Variants in PTPN20 observed in about 807,000 individuals in gnomAD.
The protein encoded by PTPN20 is protein tyrosine phosphatase non-receptor type 20, also known as tyrosine-protein phosphatase non-receptor type 20.
Under a neutral mutation model 35.0 loss-of-function variants are expected in PTPN20, and 9 were observed. The ratio of observed to expected loss-of-function variants is 0.26; its 90% CI spans 0.15 to 0.45. The LOEUF (loss-of-function observed/expected upper bound fraction) is 0.45, where lower values mean the gene tolerates loss of function less well. Ranked by LOEUF, PTPN20 falls within the 20% of genes least tolerant of loss-of-function variation. The pLI is 1.00. For synonymous variants in PTPN20, 32 were observed against 100.2 expected, an observed-to-expected ratio of 0.32 and a Z score of 4.06; for missense variants, 111 against 312.5, an observed-to-expected ratio of 0.36 and a Z score of 4.86.
chr10:46,997,943 T>C (rs1555182637), intron 9 of PTPN20, among the ~76,000 whole-genome samples: 2 of 152,076 alleles, frequency 1.3e-5, no homozygotes, highest in Non-Finnish European at 2.9e-5. Context: ...TGGTGAGGAT[T>C]TGGAGAATTA....
At chr10:46,943,025 CAT>C (rs1426413287) in intron 3 of PTPN20, among the ~76,000 whole-genome samples, 6 of 151,740 alleles carry the variant, frequency 4.0e-5, no homozygotes, top group South Asian at 2.1e-4. Flanking sequence ...GATGTAAAAA[CAT>C]GTGGTTTGTG....
At chr10:46,946,881 C>A (rs1200538296) in intron 5 of PTPN20, 6 of 509,564 alleles carry the variant, frequency 1.2e-5, no homozygotes, top group African/African-American at 1.0e-4. Context: ...AATTCCTGTC[C>A]TTTCTTCAAG....
At position 47,001,708 on chromosome 10, in the gene PTPN20, C is replaced by A. The variant is rs1218830253; in HGVS notation, c.*967C>A. On this transcript the variant is annotated 3_prime_UTR_variant, in exon 11 of 11. Coordinates refer to ENST00000374339, the MANE Select transcript of PTPN20 (RefSeq NM_001042357.5). ...TCATTTATTTCCTTTACTTTCTCAC[C>A]TCTGTTGAAACATTTAGAAACTGGA... 6.6e-6 allele frequency: 1 copy of A among 151,700 alleles called. No homozygotes were observed. The highest frequency in any genetic ancestry group is 1.5e-5 in the Non-Finnish European group (1 of 67,902). The allele number at this position is 151,700 out of a possible 1,614,324, so 9.4% of individuals were successfully genotyped here. A position where few individuals can be genotyped will look rare whatever the true frequency, so the allele number is the denominator to read the frequency against.
chr10:46,930,273 C>CATTCACATGTGT (rs2039122136), intron 1 of PTPN20, among the ~76,000 whole-genome samples: 1 of 116,680 alleles, frequency 8.6e-6, no homozygotes, highest in East Asian at 2.5e-4. Flanking sequence ...GGTAAAGGAC[C>CATTCACATGTGT]ATTCACATAT....
chr10:47,000,635 A>G (rs983971917), intron 10 of PTPN20, 41 bp from the exon 11 acceptor site: 2 of 1,606,938 alleles, frequency 1.2e-6, no homozygotes, highest in African/African-American at 2.7e-5. Flanking sequence ...CTGTTATTCA[A>G]TTACTTAACA....
chr10:46,976,037 G>A (rs1296618714), intron 7 of PTPN20, among the ~76,000 whole-genome samples: 1 of 148,498 alleles, frequency 6.7e-6, no homozygotes, highest in Non-Finnish European at 1.5e-5. Context: ...TCAAACTCCT[G>A]AGCTCAAGCA....
At chr10:46,999,208 TACAGTTG>T (rs2059677401) in intron 9 of PTPN20, among the ~76,000 whole-genome samples, 1 of 152,222 alleles carries the variant, frequency 6.6e-6, no homozygotes, top group African/African-American at 2.4e-5. Context: ...GCTTTGGGGT[TACAGTTG>T]ACAACATTTA....
intron 7 of PTPN20, among the ~76,000 whole-genome samples, chr10:46,980,986 G>GT (rs1297986595): frequency 2.1e-5 from 3 of 144,272 alleles, no homozygotes; most frequent in Non-Finnish European, 3.1e-5. Context: ...GGTGCTTTTT[G>GT]TTTTTTTGTT....
intron 9 of PTPN20, 48 bp from the exon 10 acceptor site, chr10:46,999,864 G>A (rs2059791209): frequency 6.2e-7 from 1 of 1,605,018 alleles, no homozygotes; most frequent in African/African-American, 1.3e-5. Context: ...GTGAATTTGT[G>A]TTTTTCCCCC....
At chr10:47,000,027 A>T (rs1457749827) in intron 10 of PTPN20, 53 bp downstream of exon 10, 14 of 1,606,348 alleles carry the variant, frequency 8.7e-6, no homozygotes, top group Non-Finnish European at 1.2e-5. Flanking sequence ...AAAGATTAAC[A>T]TTGCATAACA....
chr10:46,952,910 A>C (rs1158671904), intron 5 of PTPN20, among the ~76,000 whole-genome samples: 1 of 148,864 alleles, frequency 6.7e-6, no homozygotes, highest in Non-Finnish European at 1.5e-5. Context: ...TGAGGAACCC[A>C]AAATGTCCTG....
intron 6 of PTPN20, among the ~76,000 whole-genome samples, chr10:46,967,353 ACT>A (rs1300316515): frequency 9.8e-6 from 1 of 102,552 alleles, no homozygotes; most frequent in Non-Finnish European, 1.8e-5. Flanking sequence ...TCCTCTAACT[ACT>A]CTGTTCACTC....
At chr10:46,940,816 A>C (rs2043235762) in intron 3 of PTPN20, 99 bp downstream of exon 3, 2 of 1,224,718 alleles carry the variant, frequency 1.6e-6, no homozygotes, top group African/African-American at 3.2e-5. Flanking sequence ...TTCTCACCAA[A>C]ATGATTTCTT....
intron 9 of PTPN20, among the ~76,000 whole-genome samples, chr10:46,995,737 C>G (rs549749944): frequency 0.013 from 2,026 of 152,240 alleles, 41 homozygotes; most frequent in African/African-American, 0.046. Flanking sequence ...TGCCAGGTAA[C>G]CCAGATGGTG....
intron 9 of PTPN20, among the ~76,000 whole-genome samples, chr10:46,994,535 C>A (rs1012605539): frequency 6.6e-6 from 1 of 151,738 alleles, no homozygotes; most frequent in African/African-American, 2.4e-5. Flanking sequence ...GGGGTTTCAC[C>A]GTGTTAGCCA....
At position 46,932,387 on chromosome 10, in the gene PTPN20, A is replaced by G; in HGVS notation, c.-113A>G. On this transcript the variant is annotated 5_prime_UTR_variant, in exon 2 of 11. Transcript: ENST00000374339. ...TGTGTGTTTTACCAGGTGAACAAAA[A>G]TTGTTTGCTGGCCCCCAGGATACTA... is the stretch of plus-strand genomic sequence containing the variant. The G allele has an allele frequency of 1.2e-6, 2 of 1,606,118 alleles. No homozygotes were observed. The highest frequency in any genetic ancestry group is 4.5e-5 in the East Asian group (2 of 44,790).
chr10:46,997,044 A>C (rs1368439000), intron 9 of PTPN20, among the ~76,000 whole-genome samples: 1 of 152,174 alleles, frequency 6.6e-6, no homozygotes, highest in African/African-American at 2.4e-5. Flanking sequence ...AATTACTTTA[A>C]ATCTGTAGTT....
At chr10:46,945,430 C>T (rs1555140249) in intron 4 of PTPN20, among the ~76,000 whole-genome samples, 1 of 152,156 alleles carries the variant, frequency 6.6e-6, no homozygotes, top group African/African-American at 2.4e-5. Flanking sequence ...CCCGAATTTT[C>T]TTACAGAAGT....
intron 7 of PTPN20, among the ~76,000 whole-genome samples, chr10:46,976,635 G>C (rs1589760422): frequency 1.4e-5 from 2 of 138,366 alleles, no homozygotes; most frequent in East Asian, 2.0e-4. Flanking sequence ...AATGTTACCA[G>C]GTATGCTTCA....
Sources: gnomAD v4.1 joint callset for allele counts (sites outside exome capture counted in the v4.1 genomes callset) on GRCh38, gnomAD v4.1.1 for gene constraint, MANE v1.5 for transcripts, NCBI Gene and HGNC (gene_info 2026-07-23, HGNC 2026-07-21) for gene names.